The following ANKFN1 variants were observed in gnomAD, a reference collection of about 807,000 sequenced individuals.
ANKFN1 encodes the protein ankyrin repeat and fibronectin type III domain containing 1.
ANKFN1 carries 74 observed loss-of-function variants against 108.7 expected under a neutral mutation model. The observed-to-expected ratio is 0.68, with a 90% confidence interval of 0.56 to 0.83. The LOEUF is 0.83. Among genes scored for constraint, ANKFN1 ranks in the 40% least tolerant of loss-of-function variants. The probability of loss-of-function intolerance (pLI) is 0.00; values close to 1 mark genes in which losing one functional copy is unlikely to be tolerated. For missense variants in ANKFN1, 1,505 were observed against 1,382.3 expected, an observed-to-expected ratio of 1.09 and a Z score of -1.41; for synonymous variants, 547 against 516.2, an observed-to-expected ratio of 1.06 and a Z score of -0.81.
intron 8 of ANKFN1, among the ~76,000 whole-genome samples, chr17:56,411,750 T>G (rs929605955): frequency 2.0e-5 from 3 of 152,226 alleles, no homozygotes; most frequent in Non-Finnish European, 2.9e-5. Flanking sequence ...GATAATCATA[T>G]GGGTTTCATC....
chr17:56,477,881 A>G, intron 16 of ANKFN1, among the ~76,000 whole-genome samples: 1 of 152,068 alleles, frequency 6.6e-6, no homozygotes, highest in Non-Finnish European at 1.5e-5. Flanking sequence ...AGGCTGGAGT[A>G]CAATGGCGCA....
intron 8 of ANKFN1, among the ~76,000 whole-genome samples, chr17:56,379,520 T>C (rs996926994): frequency 1.3e-5 from 2 of 152,232 alleles, no homozygotes; most frequent in Non-Finnish European, 1.5e-5. Flanking sequence ...TATATGCACA[T>C]GGATATATAC....
intron 8 of ANKFN1, among the ~76,000 whole-genome samples, chr17:56,415,181 A>G (rs1421492064): frequency 3.3e-5 from 5 of 152,216 alleles, no homozygotes. Context: ...ACTGTTATTC[A>G]GCATAGTACT....
intron 6 of ANKFN1, among the ~76,000 whole-genome samples, chr17:56,364,469 T>A (rs1185486277): frequency 6.6e-6 from 1 of 152,250 alleles, no homozygotes; most frequent in Non-Finnish European, 1.5e-5. Context: ...AAATTTTAAA[T>A]GATGTGGCTC....
At position 56,456,975 on chromosome 17, in the gene ANKFN1, GT is replaced by G. The variant is rs1568016328; in HGVS notation, c.1307+21del. The G allele has an allele frequency of 1.9e-6, 3 of 1,603,760 alleles. No homozygotes were observed. The highest frequency in any genetic ancestry group is 2.6e-6 in the Non-Finnish European group (3 of 1,172,300). ...ACCTTAAAACGGTGGGTTCTATGTA[GT>G]TTTTTCAGGAAATCTTAACTTTTCA... On this transcript the variant is annotated intron_variant, in intron 12 of 20. Transcript: ENST00000682825.
rs894441276 is a variant in ANKFN1, at chr17:56,457,915, C to T, written c.1493C>T (p.Ser498Phe). ...IRWLRQSIPI[S>F]SSSSTVLQTR... is the part of the protein sequence containing the mutation. ...TGGCTGAGGCAAAGCATACCAATAT[C>T]CTCATCCTCATCCACAGTGCTGCAA... The change falls in exon 14 of 21, where the codon TCC becomes TTC. Residue 498 changes from serine to phenylalanine, a missense_variant. Ser to Phe is a radical substitution (Grantham distance 155). Coordinates refer to ENST00000682825, the MANE Select transcript of ANKFN1 (RefSeq NM_001370326.1). 9 of 1,614,036 alleles carry T rather than the reference C, an allele frequency of 5.6e-6. No homozygotes were observed. The highest frequency in any genetic ancestry group is 7.6e-6 in the Non-Finnish European group (9 of 1,179,992).
intron 3 of ANKFN1, among the ~76,000 whole-genome samples, chr17:56,233,979 C>T (rs1330920498): frequency 6.6e-6 from 1 of 152,084 alleles, no homozygotes; most frequent in Non-Finnish European, 1.5e-5. Flanking sequence ...TTGAATATTT[C>T]CTCAAATTTC....
chr17:56,354,822 C>G (rs752957867), intron 6 of ANKFN1, among the ~76,000 whole-genome samples: 1 of 152,176 alleles, frequency 6.6e-6, no homozygotes, highest in African/African-American at 2.4e-5. Flanking sequence ...TTTTCTTTAT[C>G]TATTCATCTA....
chr17:56,313,821 A>G (rs1217859039), intron 3 of ANKFN1, among the ~76,000 whole-genome samples: 1 of 152,200 alleles, frequency 6.6e-6, no homozygotes, highest in Non-Finnish European at 1.5e-5. Context: ...TGTTTTGGTT[A>G]GTTATGTTTC....
intron 10 of ANKFN1, among the ~76,000 whole-genome samples, chr17:56,443,551 A>G (rs1291620417): frequency 6.6e-6 from 1 of 152,124 alleles, no homozygotes; most frequent in African/African-American, 2.4e-5. Context: ...GCACACATCC[A>G]CATCGACCTG....
chr17:56,486,350 T>G (rs954766048), intron 18 of ANKFN1, among the ~76,000 whole-genome samples: 3 of 152,204 alleles, frequency 2.0e-5, no homozygotes, highest in Non-Finnish European at 4.4e-5. Context: ...GGAGGAAATG[T>G]TGCCAGTAGC....
chr17:56,372,520 G>A, intron 6 of ANKFN1, 126 bp from the exon 7 acceptor site: 1 of 810,788 alleles, frequency 1.2e-6, no homozygotes, highest in Admixed American at 2.9e-5. Flanking sequence ...AACAAACACA[G>A]ATCCCACTTT....
Position 56,480,752 on chromosome 17 carries a change from G to A in ANKFN1, c.2025G>A (p.Leu675=). ...VDHTSDCPMQ[L]FFYELQMAVK... is the part of the protein sequence containing the mutation. ...ATACTTCTGACTGCCCCATGCAATT[G>A]TTCTTCTACGAGCTCCAGATGGCAG... Residue 675 remains leucine, a synonymous_variant, in exon 17 of 21, where the codon TTG becomes TTA. Transcript: ENST00000682825. The A allele has an allele frequency of 6.2e-7, 1 of 1,613,994 alleles. No individual in the cohort carries two copies.
intron 15 of ANKFN1, 28 bp from the exon 16 acceptor site, chr17:56,477,457 TTTC>T: frequency 1.3e-6 from 2 of 1,512,104 alleles, no homozygotes; most frequent in East Asian, 2.4e-5. Flanking sequence ...GTTTTCTTGT[TTTC>T]TTTTTTTTTT....
intron 3 of ANKFN1, among the ~76,000 whole-genome samples, chr17:56,259,361 T>C (rs551091989): frequency 6.6e-6 from 1 of 152,324 alleles, no homozygotes; most frequent in South Asian, 2.1e-4. Flanking sequence ...AGGACTGCTT[T>C]AAGGATTGGA....
intron 3 of ANKFN1, among the ~76,000 whole-genome samples, chr17:56,293,199 C>A (rs1297965130): frequency 6.6e-6 from 1 of 152,164 alleles, no homozygotes; most frequent in African/African-American, 2.4e-5. Context: ...TTCATCTGGT[C>A]ATTCATTCAT....
chr17:56,069,584 G>T (rs1019065197), intron 4 of ANKFN1, among the ~76,000 whole-genome samples: 3 of 152,156 alleles, frequency 2.0e-5, no homozygotes, highest in African/African-American at 7.2e-5. Context: ...GGGTATGTTT[G>T]TTTCCTGGGG....
chr17:56,294,058 C>T (rs1025120388), intron 3 of ANKFN1, among the ~76,000 whole-genome samples: 1 of 152,206 alleles, frequency 6.6e-6, no homozygotes, highest in African/African-American at 2.4e-5. Context: ...GTTTTCTTCC[C>T]TGATTAGCAA....
At chr17:56,395,618 G>A (rs1163691784) in intron 8 of ANKFN1, among the ~76,000 whole-genome samples, 1 of 152,190 alleles carries the variant, frequency 6.6e-6, no homozygotes, top group Non-Finnish European at 1.5e-5. Context: ...GGAGGCCAAG[G>A]CAGGCAGATC....
Sources: gnomAD v4.1 joint callset for allele counts (sites outside exome capture counted in the v4.1 genomes callset) on GRCh38, gnomAD v4.1.1 for gene constraint, MANE v1.5 for transcripts, NCBI Gene and HGNC (gene_info 2026-07-23, HGNC 2026-07-21) for gene names.